Variants in DAPK1 observed in about 807,000 individuals in gnomAD.
DAPK1 encodes death-associated protein kinase 1.
A neutral mutation model predicts 144.9 loss-of-function variants in DAPK1; 56 were observed. That is an observed-to-expected ratio of 0.39 (90% CI 0.31 to 0.48). DAPK1 has a LOEUF of 0.48. Among genes scored for constraint, DAPK1 ranks in the 20% least tolerant of loss-of-function variants. The pLI is 0.95. For missense variants in DAPK1, 1,454 were observed against 1,875.4 expected (o/e 0.78, Z 4.15); for synonymous variants, 690 against 749.0 (o/e 0.92, Z 1.29).
At chr9:87,588,217 A>G (rs951071325) in intron 2 of DAPK1, among the ~76,000 whole-genome samples, 6 of 152,206 alleles carry the variant, frequency 3.9e-5, no homozygotes, top group Non-Finnish European at 5.9e-5. Flanking sequence ...TTAGTTTTGG[A>G]AGACTTGAAT....
intron 2 of DAPK1, among the ~76,000 whole-genome samples, chr9:87,600,184 C>T (rs1025334250): frequency 1.3e-5 from 2 of 152,200 alleles, no homozygotes; most frequent in Non-Finnish European, 2.9e-5. Context: ...CAGCTAGGAA[C>T]GTGTGCAGCA....
intron 2 of DAPK1, among the ~76,000 whole-genome samples, chr9:87,584,989 T>C (rs1827897626): frequency 6.6e-6 from 1 of 152,192 alleles, no homozygotes; most frequent in African/African-American, 2.4e-5. Flanking sequence ...ATATCCTCTT[T>C]TGAGAGTTGT....
intron 18 of DAPK1, among the ~76,000 whole-genome samples, chr9:87,661,122 G>A (rs1019396982): frequency 4.0e-4 from 61 of 152,232 alleles, no homozygotes; most frequent in African/African-American, 1.4e-3. Flanking sequence ...ACAGGCGTGA[G>A]CCACCACGCC....
intron 2 of DAPK1, among the ~76,000 whole-genome samples, chr9:87,553,192 A>G (rs1826561540): frequency 6.6e-6 from 1 of 151,688 alleles, no homozygotes; most frequent in Non-Finnish European, 1.5e-5. Context: ...ACCAAGCAAA[A>G]TCTCACTCAT....
In DAPK1 at chr9:87,692,397, A is replaced by G. The variant is rs567505383; in HGVS notation, c.2414-4610A>G. ...ATAAAATGGATTTCTTGTCAGCAGC[A>G]TATAGTTGGGCCATGTTTTATTAGT... On this transcript the variant is annotated intron_variant, in intron 21 of 25. Coordinates refer to ENST00000408954, the MANE Select transcript of DAPK1 (RefSeq NM_004938.4). Among the ~76,000 whole-genome samples, 171 of 152,106 alleles carry G rather than the reference A, an allele frequency of 1.1e-3. 1 individual carries two copies. The highest frequency in any genetic ancestry group is 2.2e-3 in the Non-Finnish European group (150 of 67,992).
chr9:87,556,416 G>A (rs1358147541), intron 2 of DAPK1, among the ~76,000 whole-genome samples: 7 of 152,236 alleles, frequency 4.6e-5, no homozygotes, highest in Non-Finnish European at 1.0e-4. Context: ...CATGCTGCCC[G>A]TCACGGGCAA....
chr9:87,697,038 T>C lies in DAPK1; in HGVS notation c.2445T>C (p.Ser815=), dbSNP rs762601576. Residue 815 remains serine, a synonymous_variant, in exon 22 of 26, where the codon TCT becomes TCC. Coordinates refer to ENST00000408954, the MANE Select transcript of DAPK1 (RefSeq NM_004938.4). ...GVGDFSVWEF[S]GNPVYFCCYD... The stretch of plus-strand genomic sequence containing the variant: ...GCGATTTCAGCGTGTGGGAGTTCTC[T>C]GGAAATCCTGTGTATTTCTGCTGTT... 6.3e-7 allele frequency: 1 copy of C among 1,594,306 alleles called. No homozygotes were observed. Among genetic ancestry groups the C allele is most frequent in the Non-Finnish European group, 8.6e-7 (1 of 1,161,762 alleles).
intron 2 of DAPK1, among the ~76,000 whole-genome samples, chr9:87,575,398 A>C (rs1827520299): frequency 6.6e-6 from 1 of 152,154 alleles, no homozygotes. Context: ...GCAGGAGTAG[A>C]AAAATGGGCC....
chr9:87,703,453 C>T (rs1163829021), intron 25 of DAPK1, among the ~76,000 whole-genome samples: 1 of 147,222 alleles, frequency 6.8e-6, no homozygotes, highest in Non-Finnish European at 1.5e-5. Flanking sequence ...CTTTTATTTC[C>T]AGAGTCTGTT....
At chr9:87,501,405 C>T (rs1391255760) in intron 2 of DAPK1, among the ~76,000 whole-genome samples, 2 of 152,264 alleles carry the variant, frequency 1.3e-5, no homozygotes, top group East Asian at 1.9e-4. Flanking sequence ...ATTGGCCAGG[C>T]GCAGTGGCGC....
At chr9:87,557,410 A>G (rs1167666106) in intron 2 of DAPK1, among the ~76,000 whole-genome samples, 1 of 152,210 alleles carries the variant, frequency 6.6e-6, no homozygotes. Flanking sequence ...AATCTCATGA[A>G]GAAAATACAG....
At chr9:87,664,076 C>T (rs1374607207) in intron 18 of DAPK1, among the ~76,000 whole-genome samples, 1 of 152,072 alleles carries the variant, frequency 6.6e-6, no homozygotes, top group Admixed American at 6.6e-5. Context: ...GGGACCAGTC[C>T]ATCCCAGCCC....
At chr9:87,680,502 A>G (rs1824569416) in intron 19 of DAPK1, among the ~76,000 whole-genome samples, 3 of 152,374 alleles carry the variant, frequency 2.0e-5, no homozygotes, top group African/African-American at 7.2e-5. Flanking sequence ...TGACATTGCC[A>G]TGAAGTTAAA....
intron 2 of DAPK1, among the ~76,000 whole-genome samples, chr9:87,517,964 A>G (rs1262476893): frequency 1.3e-5 from 2 of 152,132 alleles, no homozygotes; most frequent in African/African-American, 4.8e-5. Context: ...AATGGGCACC[A>G]GTGATCATGG....
At position 87,650,029 on chromosome 9, in the gene DAPK1, A is replaced by G; in HGVS notation, c.1537A>G (p.Thr513Ala). The G allele has an allele frequency of 6.2e-7, 1 of 1,614,076 alleles. No individual in the cohort carries two copies. ...GAACATCAAGAACCGAGAAGGAGAG[A>G]CGCCCCTCCTGACAGCCTCTGCCAG... is the stretch of plus-strand genomic sequence containing the variant. ...NVNIKNREGE[T>A]PLLTASARGY... Residue 513 changes from threonine to alanine, a missense_variant, in exon 16 of 26, where the codon ACG (threonine) becomes GCG (alanine). Coordinates refer to ENST00000408954, the MANE Select transcript of DAPK1 (RefSeq NM_004938.4).
At chr9:87,663,572 G>C (rs931713313) in intron 18 of DAPK1, among the ~76,000 whole-genome samples, 1 of 152,056 alleles carries the variant, frequency 6.6e-6, no homozygotes, top group African/African-American at 2.4e-5. Flanking sequence ...ATCCTGCCTG[G>C]GCTGAGAAAG....
At chr9:87,677,143 C>A (rs1824417528) in intron 19 of DAPK1, among the ~76,000 whole-genome samples, 1 of 152,256 alleles carries the variant, frequency 6.6e-6, no homozygotes, top group East Asian at 1.9e-4. Flanking sequence ...TCTGTCTCAA[C>A]TCCTCCTGCT....
intron 19 of DAPK1, among the ~76,000 whole-genome samples, chr9:87,675,848 T>TACAC (rs763359644): frequency 0.07 from 8,221 of 117,258 alleles, 367 homozygotes; most frequent in Middle Eastern, 0.12. Context: ...CATTCTACCC[T>TACAC]ACACACACAC....
intron 2 of DAPK1, among the ~76,000 whole-genome samples, chr9:87,504,639 A>T (rs1398453407): frequency 6.6e-6 from 1 of 152,168 alleles, no homozygotes; most frequent in Admixed American, 6.5e-5. Flanking sequence ...ACCTACAGAG[A>T]TGGATGTCCA....
Sources: allele counts gnomAD v4.1 joint callset (sites outside exome capture counted in the v4.1 genomes callset), GRCh38; gene constraint gnomAD v4.1.1; transcripts MANE v1.5; gene names NCBI Gene and HGNC (gene_info 2026-07-23, HGNC 2026-07-21).